The following ACSBG1 variants were observed in gnomAD, a reference collection of about 807,000 sequenced individuals.
ACSBG1 encodes long-chain-fatty-acid--CoA ligase ACSBG1.
ACSBG1 carries 39 observed loss-of-function variants against 80.2 expected under a neutral mutation model. The observed-to-expected ratio is 0.49, with a 90% CI of 0.38 to 0.64. The LOEUF is 0.64. ACSBG1 is among the 30% of genes least tolerant of loss of function. The pLI is 0.00. For missense variants in ACSBG1, 828 were observed against 966.4 expected, an observed-to-expected ratio of 0.86 and a Z score of 1.90; for synonymous variants, 392 against 379.5, an observed-to-expected ratio of 1.03 and a Z score of -0.38.
intron 1 of ACSBG1, among the ~76,000 whole-genome samples, chr15:78,224,159 C>G (rs1287719330): frequency 6.6e-6 from 1 of 152,154 alleles, no homozygotes; most frequent in Non-Finnish European, 1.5e-5. Flanking sequence ...CGGTGAGAAA[C>G]AGGCTTGTCA....
At chr15:78,214,075 C>G (rs991981996) in intron 1 of ACSBG1, among the ~76,000 whole-genome samples, 5 of 152,202 alleles carry the variant, frequency 3.3e-5, no homozygotes, top group Admixed American at 3.3e-4. Context: ...CAGCTCCCCC[C>G]ATTCCCACAG....
At position 78,182,147 on chromosome 15, in the gene ACSBG1, T is replaced by C. The variant is rs1194328975; in HGVS notation, c.895-2A>G. ...GCCGTACCGTGCCGTCCACGTGATCTGGAGGACAAGTAGATGGATCCCAGC... is the reference window on the plus strand; with the variant it reads ...GCCGTACCGTGCCGTCCACGTGATCCGGAGGACAAGTAGATGGATCCCAGC... On this transcript the variant is annotated splice_acceptor_variant, in intron 7 of 13. Transcript: ENST00000258873. LOFTEE classifies it high-confidence loss of function. The C allele has an allele frequency of 1.2e-6, 2 of 1,607,120 alleles. No individual in the cohort carries two copies. The highest frequency in any genetic ancestry group is 2.2e-5 in the South Asian group (2 of 90,976).
rs753303647 is a variant in ACSBG1 at position 78,171,401 on chromosome 15, C to T, written c.*43G>A. ...CTGGGGCTCAGGAAGAGGCTCGGAA[C>T]GCCTGCCCTCTATTCTATAGAAACT... On this transcript the variant is annotated 3_prime_UTR_variant, in exon 14 of 14. Transcript: ENST00000258873. 3.0e-5 allele frequency: 46 copies of T among 1,541,020 alleles called. No homozygotes were observed. In the Admixed American group the frequency reaches 3.4e-4, roughly 11 times the overall value.
chr15:78,177,658 A>G lies in ACSBG1; in HGVS notation c.1702+956T>C, dbSNP rs963110798. The stretch of plus-strand genomic sequence containing the variant: ...TCAGCCTGCACATCCCAGGGCCCAA[A>G]CGCCACCGCGACCTTTTGTCCCTCC... On this transcript the variant is annotated intron_variant, in intron 11 of 13. Transcript: ENST00000258873. This position sits in a 1 kb window ranked among gnomAD's most constrained non-coding sequence, Gnocchi z 4.1. Among the ~76,000 whole-genome samples the G allele has an allele frequency of 4.0e-5, 6 of 151,896 alleles. No homozygotes were observed. The highest frequency in any genetic ancestry group is 7.4e-5 in the Non-Finnish European group (5 of 67,958).
chr15:78,234,494 C>T lies in ACSBG1; in HGVS notation c.8G>A (p.Arg3His), dbSNP rs138685512. 1.3e-5 allele frequency: 21 copies of T among 1,577,434 alleles called. No homozygotes were observed. The Middle Eastern group carries it at 1.2e-3, about 89-fold the overall frequency. ...GCAGCCGTATCCAGCTCCAGAATTGCGTGGCATCTGCCTCGGGCTTCCACT... is the reference window on the plus strand; with the variant it reads ...GCAGCCGTATCCAGCTCCAGAATTGTGTGGCATCTGCCTCGGGCTTCCACT... MP[R>H]NSGAGYGCPH... is the part of the protein sequence containing the mutation. The change falls in exon 1 of 14, where the codon CGC becomes CAC. Residue 3 changes from arginine to histidine, a missense_variant. Around this residue, in one of 3 missense-constraint regions of ACSBG1, gnomAD observed 356 missense variants for 363.5 expected, o/e 0.98. Coordinates refer to ENST00000258873, the MANE Select transcript of ACSBG1 (RefSeq NM_015162.5).
At chr15:78,179,830 C>T (rs773897720) in intron 9 of ACSBG1, 50 bp from the exon 10 acceptor site, 1 of 1,305,740 alleles carries the variant, frequency 7.7e-7, no homozygotes, top group Non-Finnish European at 1.1e-6. Flanking sequence ...CACACACACA[C>T]ACACACACAC....
chr15:78,210,368 T>G (rs1052340614), intron 1 of ACSBG1, among the ~76,000 whole-genome samples: 2 of 152,202 alleles, frequency 1.3e-5, no homozygotes. Flanking sequence ...AAGCCTGATC[T>G]TTTCCTCACT....
In ACSBG1 at chr15:78,170,924, A is replaced by G. The variant is rs1338407531; in HGVS notation, c.*520T>C. ...ACAGGCAGCAGCAGTTTTATTAAGC[A>G]TCAAGTCAGTTGGCATGTGGGTGGC... is the stretch of plus-strand genomic sequence containing the variant. On this transcript the variant is annotated 3_prime_UTR_variant, in exon 14 of 14. Coordinates refer to ENST00000258873, the MANE Select transcript of ACSBG1 (RefSeq NM_015162.5). 1 of 153,180 alleles carries G rather than the reference A, an allele frequency of 6.5e-6. No homozygotes were observed. Among genetic ancestry groups the G allele is most frequent in the East Asian group, 1.9e-4 (1 of 5,212 alleles). 9.5% of individuals were successfully genotyped at this position (153,180 alleles called of 1,614,324 possible).
chr15:78,222,906 A>T (rs1273857324), intron 1 of ACSBG1, among the ~76,000 whole-genome samples: 1 of 152,212 alleles, frequency 6.6e-6, no homozygotes. Context: ...TTTTTATTTA[A>T]ATAGAAGATG....
At chr15:78,189,506 T>C (rs2075037487) in intron 5 of ACSBG1, among the ~76,000 whole-genome samples, 1 of 151,982 alleles carries the variant, frequency 6.6e-6, no homozygotes, top group South Asian at 2.1e-4. Context: ...AAATGATGAG[T>C]TCATGTCCTT....
intron 5 of ACSBG1, among the ~76,000 whole-genome samples, chr15:78,185,578 T>A (rs2074995119): frequency 1.3e-5 from 2 of 152,216 alleles, no homozygotes; most frequent in Non-Finnish European, 2.9e-5. Context: ...AAAATTTTTT[T>A]AATTGAAAAA....
intron 1 of ACSBG1, among the ~76,000 whole-genome samples, chr15:78,211,446 CA>C (rs2075266627): frequency 6.6e-6 from 1 of 152,218 alleles, no homozygotes; most frequent in Non-Finnish European, 1.5e-5. Flanking sequence ...TTTGAATTCC[CA>C]GGAGGAAGAA....
rs938284405 is a variant in ACSBG1, at chr15:78,177,424, T to G, written c.1702+1190A>C. 1.3e-5 allele frequency among the ~76,000 whole-genome samples: 2 copies of G among 152,178 alleles called. No homozygotes were observed. Among genetic ancestry groups the G allele is most frequent in the African/African-American group, 4.8e-5 (2 of 41,434 alleles). On this transcript the variant is annotated intron_variant, in intron 11 of 13. Coordinates refer to ENST00000258873, the MANE Select transcript of ACSBG1 (RefSeq NM_015162.5). The surrounding 1 kb of genome is among the most constrained non-coding windows in gnomAD (Gnocchi z 4.1). Reference sequence around the variant, plus strand: ...GTTGGATATGTATTTGGAGAAAAGCTATTTGGACCCTTACCTCTCACTATA... The same window carrying G: ...GTTGGATATGTATTTGGAGAAAAGCGATTTGGACCCTTACCTCTCACTATA...
chr15:78,212,426 G>A (rs2075274288), intron 1 of ACSBG1: 1 of 374,118 alleles, frequency 2.7e-6, no homozygotes, highest in Non-Finnish European at 5.3e-6. Flanking sequence ...TTGAGAGGGT[G>A]ACCAGCAGAA....
intron 2 of ACSBG1, among the ~76,000 whole-genome samples, chr15:78,200,099 TCTC>T (rs1174392799): frequency 6.6e-6 from 1 of 152,158 alleles, no homozygotes; most frequent in East Asian, 1.9e-4. Flanking sequence ...TCACCTAATT[TCTC>T]CTCTCCCATC....
intron 2 of ACSBG1, among the ~76,000 whole-genome samples, chr15:78,204,750 C>T (rs916593077): frequency 1.3e-5 from 2 of 152,240 alleles, no homozygotes; most frequent in African/African-American, 2.4e-5. Context: ...CAACGGCCTC[C>T]TCCTGCTACC....
chr15:78,189,590 C>T (rs2075038632), intron 5 of ACSBG1, among the ~76,000 whole-genome samples: 3 of 151,356 alleles, frequency 2.0e-5, no homozygotes, highest in Admixed American at 1.3e-4. Flanking sequence ...CCAAACACCA[C>T]ATACTCTCAC....
At chr15:78,213,944 G>A (rs538998142) in intron 1 of ACSBG1, 22 of 152,432 alleles carry the variant, frequency 1.4e-4, no homozygotes, top group African/African-American at 5.1e-4. Flanking sequence ...GTGTTGCCCA[G>A]GCAGCAAAAG....
intron 2 of ACSBG1, among the ~76,000 whole-genome samples, chr15:78,196,139 G>C (rs2141351155): frequency 6.6e-6 from 1 of 152,322 alleles, no homozygotes; most frequent in South Asian, 2.1e-4. Context: ...GTATGGCAGA[G>C]GTTAAGACCT....
Sources: gnomAD v4.1 joint callset for allele counts (sites outside exome capture counted in the v4.1 genomes callset) on GRCh38, gnomAD v4.1.1 for gene constraint, gnomAD v4.1.1 regional missense constraint, Gnocchi (gnomAD v3.1) non-coding constraint, MANE v1.5 for transcripts, NCBI Gene and HGNC (gene_info 2026-07-23, HGNC 2026-07-21) for gene names.